PRKN: variants seen among roughly 807,000 people sequenced by gnomAD.
PRKN encodes E3 ubiquitin-protein ligase parkin.
Under a neutral mutation model 59.5 loss-of-function variants are expected in PRKN, and 56 were observed. The observed-to-expected ratio is 0.94, with a 90% CI of 0.76 to 1.18. The LOEUF (loss-of-function observed/expected upper bound fraction) is 1.18, where lower values mean the gene tolerates loss of function less well. PRKN is among the 50% of genes most tolerant of loss of function. The probability of loss-of-function intolerance (pLI) is 0.00; values close to 1 mark genes in which losing one functional copy is unlikely to be tolerated. For missense variants in PRKN, 657 were observed against 596.4 expected, an observed-to-expected ratio of 1.10 and a Z score of -1.06; for synonymous variants, 250 against 222.1, an observed-to-expected ratio of 1.13 and a Z score of -1.12.
At chr6:161,571,930 C>T (rs1780904202) in intron 7 of PRKN, among the ~76,000 whole-genome samples, 1 of 152,170 alleles carries the variant, frequency 6.6e-6, no homozygotes, top group Non-Finnish European at 1.5e-5. Context: ...TCCTGGTTCT[C>T]AGGCCTTCTG....
intron 5 of PRKN, among the ~76,000 whole-genome samples, chr6:162,034,535 TAAAAATTACAC>T (rs148658868): frequency 0.17 from 25,419 of 152,078 alleles, 2,846 homozygotes; most frequent in East Asian, 0.55. Context: ...GTTTCACTTA[TAAAAATTACAC>T]AAAACTTGAA....
chr6:162,469,863 C>T (rs181393460), intron 1 of PRKN, among the ~76,000 whole-genome samples: 71 of 152,046 alleles, frequency 4.7e-4, no homozygotes, highest in African/African-American at 1.6e-3. Context: ...ATCACCTGTT[C>T]CCCAAAAACC....
chr6:161,466,498 T>A lies in PRKN; in HGVS notation c.1084-79621A>T, dbSNP rs546360211. Among the ~76,000 whole-genome samples the A allele has an allele frequency of 1.3e-5, 2 of 152,332 alleles. No individual in the cohort carries two copies. Among genetic ancestry groups the A allele is most frequent in the African/African-American group, 2.4e-5 (1 of 41,578 alleles). On this transcript the variant is annotated intron_variant, in intron 9 of 11. Coordinates refer to ENST00000366898, the MANE Select transcript of PRKN (RefSeq NM_004562.3). The surrounding 1 kb of genome is among the most constrained non-coding windows in gnomAD (Gnocchi z 5.0). ...CTATTTTTGCACTCATCTGCTCTGA[T>A]CTGTTTAGGCAGAAGCTTAAACAAT...
Position 162,438,794 on chromosome 6 carries a change from T to C in PRKN, c.171+4516A>G, listed in dbSNP as rs1405760218. On this transcript the variant is annotated intron_variant, in intron 2 of 11. Transcript: ENST00000366898. ...TCTTTGGGTTTTTCCTGTTTTAGAT[T>C]CACTCAGCTTTATAAATCCATCTAT... Among the ~76,000 whole-genome samples, 2 of 152,204 alleles carry C rather than the reference T, an allele frequency of 1.3e-5. 1 individual carries two copies. Among genetic ancestry groups the C allele is most frequent in the Non-Finnish European group, 2.9e-5 (2 of 68,032 alleles).
At chr6:161,522,659 G>C (rs533478112) in intron 9 of PRKN, among the ~76,000 whole-genome samples, 53 of 152,374 alleles carry the variant, frequency 3.5e-4, no homozygotes, top group African/African-American at 9.4e-4. Context: ...CTTGAGGCTA[G>C]AGAAAGCTGG....
intron 9 of PRKN, among the ~76,000 whole-genome samples, chr6:161,464,134 C>T (rs1052807042): frequency 6.6e-6 from 1 of 152,160 alleles, no homozygotes; most frequent in South Asian, 2.1e-4. Flanking sequence ...CCTGTCTCAG[C>T]CTCCTTAGTA....
chr6:161,785,561 G>A (rs1457963959), intron 7 of PRKN, among the ~76,000 whole-genome samples: 2 of 152,082 alleles, frequency 1.3e-5, no homozygotes, highest in Non-Finnish European at 2.9e-5. Flanking sequence ...ATGCCTTTAT[G>A]CAAATAATGC....
At chr6:161,537,154 C>G (rs1221838980) in intron 9 of PRKN, among the ~76,000 whole-genome samples, 1 of 152,186 alleles carries the variant, frequency 6.6e-6, no homozygotes, top group African/African-American at 2.4e-5. Context: ...CAAATAGCAG[C>G]TATCTTCTGA....
Position 161,373,904 on chromosome 6 carries a change from C to T in PRKN, c.1167+12890G>A, listed in dbSNP as rs1355904789. 6.6e-6 allele frequency among the ~76,000 whole-genome samples: 1 copy of T among 152,184 alleles called. No individual in the cohort carries two copies. Among genetic ancestry groups the T allele is most frequent in the Non-Finnish European group, 1.5e-5 (1 of 68,038 alleles). On this transcript the variant is annotated intron_variant, in intron 10 of 11. Transcript: ENST00000366898. The surrounding 1 kb of genome is among the most constrained non-coding windows in gnomAD (Gnocchi z 4.8). ...TGCTCCTCCTGGGGACACAGTCCTT[C>T]GATTCCCTCTTGCCTGTTGTCGGCT...
chr6:161,669,459 T>C (rs1784833805), intron 7 of PRKN, among the ~76,000 whole-genome samples: 1 of 152,146 alleles, frequency 6.6e-6, no homozygotes, highest in South Asian at 2.1e-4. Context: ...CACCACCTGC[T>C]AAAAAATGAC....
At chr6:162,014,322 C>G (rs145574153) in intron 5 of PRKN, among the ~76,000 whole-genome samples, 1 of 152,162 alleles carries the variant, frequency 6.6e-6, no homozygotes, top group African/African-American at 2.4e-5. Flanking sequence ...TCAGAGCCCC[C>G]GGCCAGTCAG....
intron 7 of PRKN, among the ~76,000 whole-genome samples, chr6:161,720,640 T>G (rs978492819): frequency 4.6e-5 from 7 of 152,206 alleles, no homozygotes; most frequent in Non-Finnish European, 8.8e-5. Flanking sequence ...TATTGAAGGT[T>G]TAAATGTACA....
At chr6:161,420,650 C>G (rs1788061411) in intron 9 of PRKN, among the ~76,000 whole-genome samples, 1 of 152,058 alleles carries the variant, frequency 6.6e-6, no homozygotes, top group Non-Finnish European at 1.5e-5. Flanking sequence ...GCTGGGACCA[C>G]AGGCACGCGC....
At chr6:162,358,928 C>T (rs900533214) in intron 2 of PRKN, among the ~76,000 whole-genome samples, 10 of 150,902 alleles carry the variant, frequency 6.6e-5, no homozygotes, top group Non-Finnish European at 1.5e-4. Flanking sequence ...GGTGTGGTGG[C>T]GGCTGCCTGC....
chr6:161,886,860 A>G (rs1795174693), intron 6 of PRKN, among the ~76,000 whole-genome samples: 1 of 152,054 alleles, frequency 6.6e-6, no homozygotes, highest in African/African-American at 2.4e-5. Flanking sequence ...AAGAAAAGCT[A>G]TATACTTTAG....
intron 9 of PRKN, among the ~76,000 whole-genome samples, chr6:161,515,785 T>G (rs480470): frequency 0.66 from 100,060 of 152,116 alleles, 32,977 homozygotes; most frequent in Middle Eastern, 0.72. Context: ...AGGTTCTTCT[T>G]ATGGGATTTT....
chr6:161,606,656 C>CT (rs765929605), intron 7 of PRKN, among the ~76,000 whole-genome samples: 19 of 152,164 alleles, frequency 1.2e-4, no homozygotes, highest in Non-Finnish European at 1.8e-4. Flanking sequence ...GCAGAGAAAG[C>CT]TAAAGCCTCA....
intron 1 of PRKN, among the ~76,000 whole-genome samples, chr6:162,548,819 TAACTTGACATTTTAGAAA>T (rs1418799624): frequency 1.3e-5 from 2 of 152,138 alleles, no homozygotes; most frequent in African/African-American, 4.8e-5. Flanking sequence ...TCAAGTTAAA[TAACTTGACATTTTAGAAA>T]TGGCATTGGG....
chr6:162,394,311 C>G (rs1459686161), intron 2 of PRKN, among the ~76,000 whole-genome samples: 1 of 152,126 alleles, frequency 6.6e-6, no homozygotes, highest in African/African-American at 2.4e-5. Flanking sequence ...TAGAGAGGTC[C>G]TGGCCTAAAA....
Sources: gnomAD v4.1 joint callset for allele counts (sites outside exome capture counted in the v4.1 genomes callset) on GRCh38, gnomAD v4.1.1 for gene constraint, Gnocchi (gnomAD v3.1) non-coding constraint, MANE v1.5 for transcripts, NCBI Gene and HGNC (gene_info 2026-07-23, HGNC 2026-07-21) for gene names.